Variants in EMX2 observed in about 807,000 individuals in gnomAD.
EMX2 encodes the protein empty spiracles homeobox 2, also known as homeobox protein EMX2.
Under a neutral mutation model 23.0 loss-of-function variants are expected in EMX2, and 6 were observed. That is an observed-to-expected ratio of 0.26 (90% CI 0.14 to 0.52). EMX2 has a LOEUF of 0.52. EMX2 is among the 20% of genes least tolerant of loss of function. The probability of loss-of-function intolerance (pLI) is 0.97; values close to 1 mark genes in which losing one functional copy is unlikely to be tolerated. For missense variants in EMX2, 302 were observed against 341.4 expected (o/e 0.88, Z 0.91); for synonymous variants, 175 against 153.3 (o/e 1.14, Z -1.04).
Position 117,543,167 on chromosome 10 carries a change from C to T in EMX2, c.-101C>T. On this transcript the variant is annotated 5_prime_UTR_variant, in exon 1 of 3. Coordinates refer to ENST00000553456, the MANE Select transcript of EMX2 (RefSeq NM_004098.4). ...CACCCCCACCCCAAACAAACGAGTCCCCAATTCTCGTCCGTCCTCGCCGCG... is the reference window on the plus strand; with the variant it reads ...CACCCCCACCCCAAACAAACGAGTCTCCAATTCTCGTCCGTCCTCGCCGCG... 1 of 530,864 alleles carries T rather than the reference C, an allele frequency of 1.9e-6. No homozygotes were observed. Among genetic ancestry groups the T allele is most frequent in the Non-Finnish European group, 2.6e-6 (1 of 383,064 alleles). The allele number at this position is 530,864 out of a possible 1,614,324, so 32.9% of individuals were successfully genotyped here.
At chr10:117,546,515 G>GT (rs34814147) in intron 2 of EMX2, among the ~76,000 whole-genome samples, 51,246 of 152,108 alleles carry the variant, frequency 0.34, 8,916 homozygotes, top group South Asian at 0.47. Flanking sequence ...AAACAGTAAC[G>GT]TTTTTTTGGG....
Position 117,543,576 on chromosome 10 carries a change from C to G in EMX2, c.309C>G (p.His103Gln), listed in dbSNP as rs1361890106. The G allele has an allele frequency of 1.2e-6, 2 of 1,613,180 alleles. No individual in the cohort carries two copies. The highest frequency in any genetic ancestry group is 2.2e-5 in the East Asian group (1 of 44,814). ...CCGCCCACCCCCTACCCTCCTCGCA[C>G]TCGCCACACCCCCTATTCGCCTCGC... ...ALAAHPLPSS[H>Q]SPHPLFASQQ... is the part of the protein sequence containing the mutation. Residue 103 changes from histidine (H) to glutamine (Q), a missense_variant, in exon 1 of 3, where the codon CAC becomes CAG. Coordinates refer to ENST00000553456, the MANE Select transcript of EMX2 (RefSeq NM_004098.4).
Position 117,543,482 on chromosome 10 carries a change from C to A in EMX2, c.215C>A (p.Ala72Asp), listed in dbSNP as rs1480338952. 6.2e-7 allele frequency: 1 copy of A among 1,610,076 alleles called. No individual in the cohort carries two copies. Among genetic ancestry groups the A allele is most frequent in the African/African-American group, 1.3e-5 (1 of 74,930 alleles). ...GVYSNPDLVFAEAVSHPPNPA... is the reference protein window; with the variant it reads ...GVYSNPDLVFDEAVSHPPNPA... ...TACTCCAACCCGGACTTGGTGTTCG[C>A]CGAGGCGGTCTCGCACCCGCCCAAC... is the stretch of plus-strand genomic sequence containing the variant. The change falls in exon 1 of 3, where the codon GCC (alanine) becomes GAC (aspartate). Residue 72 changes from alanine to aspartate, a missense_variant. Ala to Asp is a moderately radical substitution (Grantham distance 126). This residue lies in a region of EMX2 where 221 missense variants were observed against 206.8 expected (regional missense o/e 1.07). Coordinates refer to ENST00000553456, the MANE Select transcript of EMX2 (RefSeq NM_004098.4).
chr10:117,544,741 C>A (rs902621070), intron 1 of EMX2: 1 of 152,246 alleles, frequency 6.6e-6, no homozygotes, highest in Non-Finnish European at 1.5e-5. Flanking sequence ...GATTTGCCTG[C>A]ATCCTGCCTG....
chr10:117,547,653 C>T (rs1033369197), intron 2 of EMX2, among the ~76,000 whole-genome samples: 2 of 152,362 alleles, frequency 1.3e-5, no homozygotes, highest in African/African-American at 4.8e-5. Context: ...TGAGGTCTCT[C>T]TTGCACTCGC....
intron 1 of EMX2, chr10:117,544,317 G>C (rs937662195): frequency 1.3e-4 from 20 of 152,766 alleles, no homozygotes; most frequent in African/African-American, 4.8e-4. Context: ...TGCTTAATTG[G>C]GGCGCCGAGC....
chr10:117,545,491 G>A, intron 1 of EMX2, 141 bp from the exon 2 acceptor site: 3 of 1,032,556 alleles, frequency 2.9e-6, no homozygotes, highest in East Asian at 2.6e-5. Context: ...GCCCTTGGGA[G>A]GACCACCGGC....
Position 117,543,466 on chromosome 10 carries a change from C to A in EMX2, c.199C>A (p.Pro67Thr). The change falls in exon 1 of 3, where the codon CCG (proline) becomes ACG (threonine). Residue 67 changes from proline to threonine, a missense_variant. Pro to Thr is a conservative substitution (Grantham distance 38). Around this residue, in one of 4 missense-constraint regions of EMX2, gnomAD observed 221 missense variants for 206.8 expected, o/e 1.07. Transcript: ENST00000553456. Reference sequence around the variant, plus strand: ...CGCCGGTAGGGGCGTCTACTCCAACCCGGACTTGGTGTTCGCCGAGGCGGT... The same window carrying A: ...CGCCGGTAGGGGCGTCTACTCCAACACGGACTTGGTGTTCGCCGAGGCGGT... ...AAAGRGVYSN[P>T]DLVFAEAVSH... 2 of 1,609,916 alleles carry A rather than the reference C, an allele frequency of 1.2e-6. No individual in the cohort carries two copies. Among genetic ancestry groups the A allele is most frequent in the Non-Finnish European group, 1.7e-6 (2 of 1,178,564 alleles).
intron 1 of EMX2, 25 bp from the exon 2 acceptor site, chr10:117,545,607 G>A: frequency 6.2e-7 from 1 of 1,613,692 alleles, no homozygotes; most frequent in Non-Finnish European, 8.5e-7. Context: ...CCCCCCTAAT[G>A]GGATTTCTGC....
At chr10:117,545,380 G>A (rs566788865) in intron 1 of EMX2, 3 of 449,974 alleles carry the variant, frequency 6.7e-6, no homozygotes, top group South Asian at 6.6e-5. Flanking sequence ...GAGGTCAGGA[G>A]CCTGGGGACT....
Position 117,543,552 on chromosome 10 carries a change from C to T in EMX2, c.285C>T (p.Ala95=). 6.2e-7 allele frequency: 1 copy of T among 1,612,164 alleles called. No homozygotes were observed. Among genetic ancestry groups the T allele is most frequent in the Non-Finnish European group, 8.5e-7 (1 of 1,179,304 alleles). Residue 95 remains alanine, a synonymous_variant, in exon 1 of 3, where the codon GCC becomes GCT. Coordinates refer to ENST00000553456, the MANE Select transcript of EMX2 (RefSeq NM_004098.4). ...VHPVPPPHAL[A]AHPLPSSHSP... ...CGGTGCCGCCGCCGCACGCCCTGGCCGCCCACCCCCTACCCTCCTCGCACT... is the reference window on the plus strand; with the variant it reads ...CGGTGCCGCCGCCGCACGCCCTGGCTGCCCACCCCCTACCCTCCTCGCACT...
At position 117,548,545 on chromosome 10, in the gene EMX2, AG is replaced by A; in HGVS notation, c.*314del. The A allele has an allele frequency of 7.6e-6, 3 of 396,964 alleles. No individual in the cohort carries two copies. The highest frequency in any genetic ancestry group is 3.4e-5 in the South Asian group (1 of 29,270). The allele number at this position is 396,964 out of a possible 1,614,324, so 24.6% of individuals were successfully genotyped here. A position where few individuals can be genotyped will look rare whatever the true frequency, so the allele number is the denominator to read the frequency against. On this transcript the variant is annotated 3_prime_UTR_variant, in exon 3 of 3. Transcript: ENST00000553456. The stretch of plus-strand genomic sequence containing the variant: ...GAGGGAGGGAGAGAGAGAAAGAGAG[AG>A]AAAGAGAGAGAGAGAGAGAGAGAGA...
In EMX2 at chr10:117,545,819, G is replaced by T; in HGVS notation, c.591+3G>T. On this transcript the variant is annotated splice_donor_region_variant and intron_variant, in intron 2 of 2. Coordinates refer to ENST00000553456, the MANE Select transcript of EMX2 (RefSeq NM_004098.4). ...GCCTCAGCCTCACGGAAACTCAGGT[G>T]ACTGCGGCCCGGGCGCGAGGAACCC... is the stretch of plus-strand genomic sequence containing the variant. 1 of 1,613,756 alleles carries T rather than the reference G, an allele frequency of 6.2e-7. No homozygotes were observed. Among genetic ancestry groups the T allele is most frequent in the Non-Finnish European group, 8.5e-7 (1 of 1,180,036 alleles).
In EMX2 at chr10:117,543,599, C is replaced by T. The variant is rs1426142917; in HGVS notation, c.332C>T (p.Ser111Leu). 1.2e-6 allele frequency: 2 copies of T among 1,613,462 alleles called. No individual in the cohort carries two copies. Among genetic ancestry groups the T allele is most frequent in the South Asian group, 1.1e-5 (1 of 91,084 alleles). Reference protein sequence around the residue: ...SSHSPHPLFASQQRDPSTFYP... With the variant: ...SSHSPHPLFALQQRDPSTFYP... ...CACTCGCCACACCCCCTATTCGCCT[C>T]GCAGCAGCGGGATCCGTCCACCTTC... is the stretch of plus-strand genomic sequence containing the variant. The change falls in exon 1 of 3, where the codon TCG becomes TTG. Residue 111 changes from serine (S) to leucine (L), a missense_variant. This residue lies in a region of EMX2 where 221 missense variants were observed against 206.8 expected (regional missense o/e 1.07). Coordinates refer to ENST00000553456, the MANE Select transcript of EMX2 (RefSeq NM_004098.4).
At chr10:117,545,524 C>G in intron 1 of EMX2, 108 bp from the exon 2 acceptor site, 6 of 1,370,284 alleles carry the variant, frequency 4.4e-6, no homozygotes, top group Non-Finnish European at 6.0e-6. Context: ...AGCGGCGCGG[C>G]TATGCGAAGG....
chr10:117,547,589 A>G (rs1846597422), intron 2 of EMX2, among the ~76,000 whole-genome samples: 1 of 152,212 alleles, frequency 6.6e-6, no homozygotes, highest in South Asian at 2.1e-4. Context: ...CGCCCAGACC[A>G]GCAGAAAATA....
At chr10:117,547,608 A>G (rs1260154297) in intron 2 of EMX2, among the ~76,000 whole-genome samples, 2 of 152,194 alleles carry the variant, frequency 1.3e-5, no homozygotes, top group African/African-American at 4.8e-5. Context: ...TAGAAAGCAC[A>G]TTGGGCCCTG....
intron 1 of EMX2, chr10:117,544,377 C>CT (rs768557820): frequency 1.5e-5 from 1 of 66,136 alleles, no homozygotes; most frequent in African/African-American, 3.6e-5. Context: ...TTCTTTCTTT[C>CT]TTTAAAAAAA....
In EMX2 at chr10:117,543,426, GGCCGCC is replaced by G. The variant is rs756693906; in HGVS notation, c.173_178del (p.Ala58_Ala59del). The G allele has an allele frequency of 2.0e-3, 3,166 of 1,597,702 alleles. 11 individuals are homozygous for G. The highest frequency in any genetic ancestry group is 2.5e-3 in the Non-Finnish European group (2,913 of 1,172,956). ...ATCCGTTCCTCAACGGCTTCCACTCGGCCGCCGCCGCCGCCGCCGGTAGGGGCGTCT... is the reference window on the plus strand; with the variant it reads ...ATCCGTTCCTCAACGGCTTCCACTCGGCCGCCGCCGCCGGTAGGGGCGTCT... On this transcript the variant is annotated inframe_deletion, in exon 1 of 3. Coordinates refer to ENST00000553456, the MANE Select transcript of EMX2 (RefSeq NM_004098.4).
Sources: allele counts gnomAD v4.1 joint callset (sites outside exome capture counted in the v4.1 genomes callset), GRCh38; gene constraint gnomAD v4.1.1; regional missense constraint gnomAD v4.1.1; transcripts MANE v1.5; gene names NCBI Gene and HGNC (gene_info 2026-07-23, HGNC 2026-07-21).